The following USP20 variants were observed in gnomAD, a reference collection of about 807,000 sequenced individuals.
The protein encoded by USP20 is ubiquitin specific peptidase 20.
Under a neutral mutation model 124.2 loss-of-function variants are expected in USP20, and 80 were observed. That is an observed-to-expected ratio of 0.64 (90% CI 0.54 to 0.78). The LOEUF is 0.78. Among genes scored for constraint, USP20 ranks in the 30% least tolerant of loss-of-function variants. USP20 has a pLI of 0.00. For synonymous variants in USP20, 481 were observed against 512.3 expected, an observed-to-expected ratio of 0.94 and a Z score of 0.83; for missense variants, 1,043 against 1,244.4, an observed-to-expected ratio of 0.84 and a Z score of 2.44.
At position 129,861,575 on chromosome 9, in the gene USP20, T is replaced by A. The variant is rs1315201553; in HGVS notation, c.460T>A (p.Cys154Ser). Residue 154 changes from cysteine (C) to serine (S), a missense_variant, in exon 8 of 26, where the codon TGC becomes AGC. By Grantham distance (112) the Cys-to-Ser change is moderately radical. Coordinates refer to ENST00000372429, the MANE Select transcript of USP20 (RefSeq NM_001110303.4). ...LTGMKNLGNSCYMNAALQALS... is the reference protein window; with the variant it reads ...LTGMKNLGNSSYMNAALQALS... ...GGGCATGAAGAACCTCGGGAACTCCTGCTACATGAACGCTGCCCTGCAGGC... is the reference window on the plus strand; with the variant it reads ...GGGCATGAAGAACCTCGGGAACTCCAGCTACATGAACGCTGCCCTGCAGGC... 1 of 1,614,160 alleles carries A rather than the reference T, an allele frequency of 6.2e-7. No homozygotes were observed. Among genetic ancestry groups the A allele is most frequent in the East Asian group, 2.2e-5 (1 of 44,876 alleles).
At chr9:129,859,284 A>ATTTTATTTTATTT (rs1554746154) in intron 6 of USP20, among the ~76,000 whole-genome samples, 1 of 137,888 alleles carries the variant, frequency 7.3e-6, no homozygotes, top group Non-Finnish European at 1.6e-5. Flanking sequence ...ATTTTATTTT[A>ATTTTATTTTATTT]ATTTTTTGAG....
At chr9:129,856,245 G>T in intron 3 of USP20, 62 bp from the exon 4 acceptor site, 1 of 1,547,766 alleles carries the variant, frequency 6.5e-7, no homozygotes. Flanking sequence ...AGCAGTCTCA[G>T]TGCTCAGCCC....
At chr9:129,852,880 T>C (rs1287604107) in intron 3 of USP20, among the ~76,000 whole-genome samples, 1 of 152,156 alleles carries the variant, frequency 6.6e-6, no homozygotes, top group Non-Finnish European at 1.5e-5. Flanking sequence ...CCATTAGCTG[T>C]TGGGGCGGTG....
At chr9:129,878,207 C>T (rs2034487577) in intron 22 of USP20, 131 bp from the exon 23 acceptor site, 2 of 719,502 alleles carry the variant, frequency 2.8e-6, no homozygotes, top group Non-Finnish European at 4.9e-6. Context: ...TGATTTTTCA[C>T]CTTGAGTATC....
chr9:129,863,375 TC>T, intron 9 of USP20, 76 bp downstream of exon 9: 1 of 1,167,476 alleles, frequency 8.6e-7, no homozygotes, highest in Non-Finnish European at 1.2e-6. Context: ...ATTGAGTACT[TC>T]CTGTGGATTC....
chr9:129,855,677 A>G (rs1022416654), intron 3 of USP20, among the ~76,000 whole-genome samples: 1 of 152,214 alleles, frequency 6.6e-6, no homozygotes, highest in African/African-American at 2.4e-5. Flanking sequence ...CCACATGATC[A>G]TGGTGGAAGC....
chr9:129,881,331 G>GGGGCTGTGC lies in USP20; in HGVS notation c.*882_*890dup, dbSNP rs1288998915. 6.6e-6 allele frequency: 1 copy of GGGGCTGTGC among 152,330 alleles called. No homozygotes were observed. The allele number at this position is 152,330 out of a possible 1,614,324, so 9.4% of individuals were successfully genotyped here. A position where few individuals can be genotyped will look rare whatever the true frequency, so the allele number is the denominator to read the frequency against. On this transcript the variant is annotated 3_prime_UTR_variant, in exon 26 of 26. Coordinates refer to ENST00000372429, the MANE Select transcript of USP20 (RefSeq NM_001110303.4). ...TGCAGAGCCCACCTGGAGGGATGTG[G>GGGGCTGTGC]GGGCTGTGCAGGGTGCAGCGCTCAG...
In USP20 at chr9:129,839,623, C is replaced by T. The variant is rs1454343044; in HGVS notation, c.-129+4124C>T. ...GGAGGGGGTGGGCACACACCCTGTG[C>T]GGGGCTGGGGGTGTGAGATGGCTAA... On this transcript the variant is annotated intron_variant, in intron 1 of 25. Transcript: ENST00000372429. The surrounding 1 kb of genome is among the most constrained non-coding windows in gnomAD (Gnocchi z 4.5). Among the ~76,000 whole-genome samples the T allele has an allele frequency of 3.3e-5, 5 of 151,596 alleles. No homozygotes were observed. Among genetic ancestry groups the T allele is most frequent in the African/African-American group, 9.7e-5 (4 of 41,242 alleles).
intron 17 of USP20, 52 bp from the exon 18 acceptor site, chr9:129,874,524 A>C: frequency 1.2e-5 from 19 of 1,590,470 alleles, no homozygotes; most frequent in Non-Finnish European, 1.5e-5. Context: ...CAAGGCTGCG[A>C]GGGCCCGCAT....
intron 22 of USP20, among the ~76,000 whole-genome samples, chr9:129,877,567 A>G (rs1315642603): frequency 4.0e-5 from 6 of 151,712 alleles, no homozygotes; most frequent in Non-Finnish European, 5.9e-5. Flanking sequence ...GCCTAGTGGT[A>G]TGCACCTGTG....
intron 3 of USP20, among the ~76,000 whole-genome samples, chr9:129,854,014 A>C (rs1446416281): frequency 1.3e-5 from 2 of 152,182 alleles, no homozygotes; most frequent in East Asian, 3.8e-4. Flanking sequence ...CAAGGATATG[A>C]GCAGGTCCTT....
intron 1 of USP20, among the ~76,000 whole-genome samples, chr9:129,843,312 C>G (rs901881730): frequency 1.3e-5 from 2 of 152,006 alleles, no homozygotes; most frequent in African/African-American, 4.8e-5. Flanking sequence ...TTCCTGTAAT[C>G]CCAGCTACTC....
chr9:129,855,524 G>A (rs985803775), intron 3 of USP20, among the ~76,000 whole-genome samples: 3 of 152,102 alleles, frequency 2.0e-5, no homozygotes, highest in Admixed American at 1.3e-4. Context: ...TCAACATGTG[G>A]CTTTCATCCT....
chr9:129,858,701 G>A, intron 6 of USP20, 103 bp downstream of exon 6: 1 of 1,502,908 alleles, frequency 6.7e-7, no homozygotes, highest in Non-Finnish European at 9.0e-7. Context: ...AGGTCCCAGA[G>A]GTGTCTGTTT....
chr9:129,839,715 G>A lies in USP20; in HGVS notation c.-129+4216G>A, dbSNP rs189531903. 8.0e-4 allele frequency among the ~76,000 whole-genome samples: 122 copies of A among 152,104 alleles called. No homozygotes were observed. Among genetic ancestry groups the A allele is most frequent in the Non-Finnish European group, 1.2e-3 (79 of 67,966 alleles). Reference sequence around the variant, plus strand: ...TGTGGGTGGGAGGCCCAGAAGTGTCGCCCTCCCCATCCTGAGGGACTGGTT... The same window carrying A: ...TGTGGGTGGGAGGCCCAGAAGTGTCACCCTCCCCATCCTGAGGGACTGGTT... On this transcript the variant is annotated intron_variant, in intron 1 of 25. Coordinates refer to ENST00000372429, the MANE Select transcript of USP20 (RefSeq NM_001110303.4). This position sits in a 1 kb window ranked among gnomAD's most constrained non-coding sequence, Gnocchi z 4.5.
chr9:129,873,605 CCTG>C, intron 16 of USP20, 90 bp downstream of exon 16: 2 of 1,613,260 alleles, frequency 1.2e-6, no homozygotes, highest in Non-Finnish European at 1.7e-6. Context: ...CCCCTATAAT[CCTG>C]CCTTCCCAGA....
intron 6 of USP20, among the ~76,000 whole-genome samples, chr9:129,859,499 C>G (rs565123318): frequency 6.6e-6 from 1 of 151,418 alleles, no homozygotes; most frequent in Non-Finnish European, 1.5e-5. Context: ...GTCTTGAACT[C>G]CTGACCTCAA....
At chr9:129,838,444 T>C (rs2031999985) in intron 1 of USP20, among the ~76,000 whole-genome samples, 1 of 152,146 alleles carries the variant, frequency 6.6e-6, no homozygotes, top group Admixed American at 6.5e-5. Context: ...TTTCCATTGA[T>C]TATAAAGACT....
In USP20 at chr9:129,876,243, G is replaced by A. The variant is rs756948703; in HGVS notation, c.2409+5G>A. ...GAGATCGACACCTTCATCAAGGTGC[G>A]TGCGGCGAGGCGGCGCGGGGGCGGC... On this transcript the variant is annotated splice_donor_5th_base_variant and intron_variant, in intron 22 of 25. Coordinates refer to ENST00000372429, the MANE Select transcript of USP20 (RefSeq NM_001110303.4). 22 of 1,607,638 alleles carry A rather than the reference G, an allele frequency of 1.4e-5. No homozygotes were observed. Among genetic ancestry groups the A allele is most frequent in the Admixed American group, 1.7e-5 (1 of 59,566 alleles).
Sources: gnomAD v4.1 joint callset for allele counts (sites outside exome capture counted in the v4.1 genomes callset) on GRCh38, gnomAD v4.1.1 for gene constraint, Gnocchi (gnomAD v3.1) non-coding constraint, MANE v1.5 for transcripts, NCBI Gene and HGNC (gene_info 2026-07-23, HGNC 2026-07-21) for gene names.